The following CMC1 variants were observed in gnomAD, a reference collection of about 807,000 sequenced individuals.
The protein encoded by CMC1 is COX assembly mitochondrial protein homolog.
A neutral mutation model predicts 14.1 loss-of-function variants in CMC1; 14 were observed. The observed-to-expected ratio is 0.99, with a 90% CI of 0.66 to 1.55. The LOEUF (loss-of-function observed/expected upper bound fraction) is 1.55. CMC1 is among the 40% of genes most tolerant of loss of function. The pLI is 0.00. For missense variants in CMC1, 127 were observed against 123.8 expected (o/e 1.03, Z -0.12); for synonymous variants, 50 against 38.4 (o/e 1.30, Z -1.12).
intron 1 of CMC1, among the ~76,000 whole-genome samples, chr3:28,244,307 C>CA (rs1159093542): frequency 1.3e-5 from 2 of 152,080 alleles, no homozygotes; most frequent in Admixed American, 6.5e-5. Context: ...GGGATAGGAG[C>CA]AGTAGTCCAG....
At chr3:28,265,992 C>G (rs1468398249) in intron 2 of CMC1, among the ~76,000 whole-genome samples, 1 of 152,158 alleles carries the variant, frequency 6.6e-6, no homozygotes, top group Non-Finnish European at 1.5e-5. Flanking sequence ...AGCTGGGACA[C>G]TGATAAAGCC....
In CMC1 at chr3:28,324,380, T is replaced by C. The variant is rs200832227; in HGVS notation, c.*4751T>C. The C allele has an allele frequency of 6.4e-6, 10 of 1,569,274 alleles. No individual in the cohort carries two copies. Among genetic ancestry groups the C allele is most frequent in the Admixed American group, 3.7e-5 (2 of 54,178 alleles). On this transcript the variant is annotated 3_prime_UTR_variant, in exon 4 of 4. Transcript: ENST00000466830. ...AAGAGAGGGGGATGTCTTGTGTATG[T>C]TGCAGTAAAATTCATCAAGTGCAGT...
intron 2 of CMC1, among the ~76,000 whole-genome samples, chr3:28,284,450 A>C (rs557862539): frequency 6.6e-6 from 1 of 152,158 alleles, no homozygotes; most frequent in African/African-American, 2.4e-5. Context: ...CTTCAGAATT[A>C]TCTAGGAATT....
intron 2 of CMC1, among the ~76,000 whole-genome samples, chr3:28,272,995 G>A (rs975065060): frequency 6.6e-6 from 1 of 152,082 alleles, no homozygotes; most frequent in African/African-American, 2.4e-5. Context: ...TTCTTTTTTT[G>A]TTGTATCTGT....
intron 2 of CMC1, among the ~76,000 whole-genome samples, chr3:28,263,671 A>G (rs1310339635): frequency 6.6e-6 from 1 of 152,246 alleles, no homozygotes; most frequent in East Asian, 1.9e-4. Context: ...TGGAGAAACA[A>G]GTTACTCTTA....
intron 2 of CMC1, among the ~76,000 whole-genome samples, chr3:28,300,948 A>C: frequency 8.9e-6 from 1 of 112,910 alleles, no homozygotes. Flanking sequence ...ACACCCCCCA[A>C]ACACAGAAAT....
intron 1 of CMC1, 103 bp downstream of exon 1, chr3:28,241,915 G>C: frequency 8.9e-7 from 1 of 1,128,736 alleles, no homozygotes; most frequent in Non-Finnish European, 1.1e-6. Flanking sequence ...CAGAGCTCTG[G>C]GTAGCATTGC....
chr3:28,301,375 A>G (rs1702039916), intron 2 of CMC1, among the ~76,000 whole-genome samples: 2 of 151,990 alleles, frequency 1.3e-5, no homozygotes, highest in Admixed American at 1.3e-4. Context: ...GTGTGCCACC[A>G]TACCCAACTA....
intron 2 of CMC1, 44 bp downstream of exon 2, chr3:28,263,424 AATATG>A: frequency 7.9e-7 from 1 of 1,270,136 alleles, no homozygotes. Context: ...TATTTTTAAT[AATATG>A]ATCTGAATTT....
At chr3:28,258,614 ATTTTT>A (rs61323375) in intron 1 of CMC1, among the ~76,000 whole-genome samples, 2 of 99,128 alleles carry the variant, frequency 2.0e-5, no homozygotes, top group African/African-American at 8.7e-5. Context: ...GTATTTCTGG[ATTTTT>A]TTTTTTTTTT....
chr3:28,242,053 A>T (rs1559392734), intron 1 of CMC1, among the ~76,000 whole-genome samples: 1 of 152,204 alleles, frequency 6.6e-6, no homozygotes, highest in South Asian at 2.1e-4. Flanking sequence ...GTGGTTTCCA[A>T]CTTAACGCGA....
intron 2 of CMC1, among the ~76,000 whole-genome samples, chr3:28,314,529 A>C (rs1702793395): frequency 1.3e-5 from 2 of 152,216 alleles, no homozygotes; most frequent in Non-Finnish European, 1.5e-5. Context: ...AAATGTTGGG[A>C]CTGCTGAGAC....
chr3:28,306,346 C>T (rs1006359389), intron 2 of CMC1, among the ~76,000 whole-genome samples: 1 of 152,014 alleles, frequency 6.6e-6, no homozygotes, highest in African/African-American at 2.4e-5. Context: ...TTTGTTTCAT[C>T]TGTGATTTCT....
chr3:28,315,643 C>G (rs150043127), intron 2 of CMC1, among the ~76,000 whole-genome samples: 19 of 152,116 alleles, frequency 1.2e-4, no homozygotes, highest in African/African-American at 3.9e-4. Flanking sequence ...AATATACAGT[C>G]GTGCACTGCA....
At chr3:28,241,895 G>T in intron 1 of CMC1, 83 bp downstream of exon 1, 1 of 1,207,894 alleles carries the variant, frequency 8.3e-7, no homozygotes, top group South Asian at 4.2e-5. Context: ...ATGCCGACCT[G>T]GGAAAGGTGC....
chr3:28,283,957 T>C (rs1701041486), intron 2 of CMC1, among the ~76,000 whole-genome samples: 1 of 152,220 alleles, frequency 6.6e-6, no homozygotes, highest in African/African-American at 2.4e-5. Context: ...ATTTAGGATA[T>C]GTTGCATTGT....
chr3:28,258,875 G>C (rs1341641367), intron 1 of CMC1, among the ~76,000 whole-genome samples: 1 of 151,704 alleles, frequency 6.6e-6, no homozygotes, highest in Non-Finnish European at 1.5e-5. Flanking sequence ...CGCCCGCCTC[G>C]GCCTCCCAAA....
intron 2 of CMC1, among the ~76,000 whole-genome samples, chr3:28,268,802 G>C (rs1316625230): frequency 6.6e-6 from 1 of 152,180 alleles, no homozygotes; most frequent in Non-Finnish European, 1.5e-5. Flanking sequence ...ATGGAATCAT[G>C]AGTAATAGGC....
chr3:28,324,522 TCAC>T lies in CMC1; in HGVS notation c.*4896_*4898del. 1 of 1,327,084 alleles carries T rather than the reference TCAC, an allele frequency of 7.5e-7. No individual in the cohort carries two copies. The highest frequency in any genetic ancestry group is 2.0e-4 in the Middle Eastern group (1 of 5,062). The allele number at this position is 1,327,084 out of a possible 1,614,324, so 82.2% of individuals were successfully genotyped here. On this transcript the variant is annotated 3_prime_UTR_variant, in exon 4 of 4. Transcript: ENST00000466830. ...TGTGATCATAAAATTCGATAACACTTCACCAATTTGAATTCTAGAACTGGTGAT... is the reference window on the plus strand; with the variant it reads ...TGTGATCATAAAATTCGATAACACTTCAATTTGAATTCTAGAACTGGTGAT...
Sources: gnomAD v4.1 joint callset for allele counts (sites outside exome capture counted in the v4.1 genomes callset) on GRCh38, gnomAD v4.1.1 for gene constraint, MANE v1.5 for transcripts, NCBI Gene and HGNC (gene_info 2026-07-23, HGNC 2026-07-21) for gene names.